TAOK3: variants seen among roughly 807,000 people sequenced by gnomAD.
TAOK3 encodes the protein serine/threonine-protein kinase TAO3.
In TAOK3, 40 loss-of-function variants were observed where a neutral mutation model predicts 120.4. The ratio of observed to expected loss-of-function variants is 0.33; its 90% CI spans 0.26 to 0.43. TAOK3 has a LOEUF of 0.43. TAOK3 is among the 20% of genes least tolerant of loss of function. The pLI, the probability that TAOK3 is intolerant of heterozygous loss-of-function variation, is 1.00. For missense variants in TAOK3, 821 were observed against 1,112.1 expected (o/e 0.74, Z 3.72); for synonymous variants, 355 against 387.5 (o/e 0.92, Z 0.99).
At chr12:118,268,132 T>C (rs559535834) in intron 1 of TAOK3, among the ~76,000 whole-genome samples, 1 of 152,170 alleles carries the variant, frequency 6.6e-6, no homozygotes, top group African/African-American at 2.4e-5. Flanking sequence ...GTCTGTCTTA[T>C]GGAAGAGCTG....
chr12:118,333,198 C>T (rs2044224384), intron 1 of TAOK3, among the ~76,000 whole-genome samples: 1 of 152,134 alleles, frequency 6.6e-6, no homozygotes, highest in Admixed American at 6.6e-5. Context: ...TTCTCAAGTG[C>T]CATGGAATAT....
intron 3 of TAOK3, chr12:118,246,469 C>T: frequency 1.3e-6 from 2 of 1,530,632 alleles, no homozygotes; most frequent in Non-Finnish European, 1.8e-6. Flanking sequence ...GCGTTTGTTG[C>T]TATCGGGGAC....
At chr12:118,196,584 C>T (rs562941830) in intron 13 of TAOK3, among the ~76,000 whole-genome samples, 2 of 151,888 alleles carry the variant, frequency 1.3e-5, no homozygotes, top group African/African-American at 4.8e-5. Flanking sequence ...CAAAAGATTC[C>T]TTCTCCCATA....
intron 1 of TAOK3, among the ~76,000 whole-genome samples, chr12:118,353,018 C>G (rs2045242403): frequency 6.6e-6 from 1 of 152,098 alleles, no homozygotes; most frequent in East Asian, 1.9e-4. Context: ...CCTGAGTTGA[C>G]TTTAGATAAG....
At chr12:118,276,940 G>C (rs1271551276) in intron 1 of TAOK3, among the ~76,000 whole-genome samples, 1 of 152,026 alleles carries the variant, frequency 6.6e-6, no homozygotes, top group African/African-American at 2.4e-5. Context: ...AGGAGACAGA[G>C]GTTGCAGTGA....
chr12:118,230,460 GTTTTTTTTTTTTT>G (rs71069433), intron 9 of TAOK3, among the ~76,000 whole-genome samples: 5 of 49,984 alleles, frequency 1.0e-4, no homozygotes, highest in African/African-American at 2.4e-4. Context: ...CCTGTGAAGT[GTTTTTTTTTTTTT>G]TTTTTTTTTT....
At chr12:118,266,049 A>G (rs772919364) in intron 2 of TAOK3, among the ~76,000 whole-genome samples, 2 of 152,316 alleles carry the variant, frequency 1.3e-5, no homozygotes, top group Non-Finnish European at 1.5e-5. Flanking sequence ...GGCAATATAT[A>G]TATTTCCAGA....
intron 15 of TAOK3, among the ~76,000 whole-genome samples, chr12:118,179,978 G>A (rs2036602660): frequency 8.1e-6 from 1 of 124,118 alleles, no homozygotes; most frequent in African/African-American, 3.1e-5. Context: ...ATGAAGTCTC[G>A]CTCTTGTCAC....
intron 19 of TAOK3, chr12:118,159,925 A>G (rs1299522860): frequency 3.4e-6 from 2 of 582,166 alleles, no homozygotes; most frequent in Admixed American, 6.1e-5. Flanking sequence ...CACAGGTCTG[A>G]TGTGGCATGT....
At chr12:118,154,723 G>A (rs2034683966) in intron 19 of TAOK3, among the ~76,000 whole-genome samples, 1 of 152,114 alleles carries the variant, frequency 6.6e-6, no homozygotes, top group South Asian at 2.1e-4. Flanking sequence ...TTATAGGTGT[G>A]AGCCACCGTG....
intron 1 of TAOK3, among the ~76,000 whole-genome samples, chr12:118,281,679 G>C (rs1021147126): frequency 1.3e-5 from 2 of 151,652 alleles, no homozygotes; most frequent in Non-Finnish European, 2.9e-5. Context: ...AGATACTCAG[G>C]AGGCTGAGGC....
chr12:118,280,065 T>A (rs1445344121), intron 1 of TAOK3, among the ~76,000 whole-genome samples: 2 of 62,762 alleles, frequency 3.2e-5, no homozygotes, highest in African/African-American at 5.6e-5. Flanking sequence ...GCGCCCCACC[T>A]TTTTTTTTTT....
intron 16 of TAOK3, 111 bp from the exon 17 acceptor site, chr12:118,172,771 A>G: frequency 1.0e-6 from 1 of 986,106 alleles, no homozygotes. Flanking sequence ...ATGTAAGCAC[A>G]GAAAAGCTTA....
At chr12:118,182,055 G>A (rs2036762293) in intron 14 of TAOK3, among the ~76,000 whole-genome samples, 1 of 151,874 alleles carries the variant, frequency 6.6e-6, no homozygotes, top group African/African-American at 2.4e-5. Flanking sequence ...CATGGTGGTG[G>A]GCACCTGTAA....
At chr12:118,245,011 T>C in intron 3 of TAOK3, 46 bp from the exon 4 acceptor site, 1 of 1,316,388 alleles carries the variant, frequency 7.6e-7, no homozygotes, top group South Asian at 1.2e-5. Context: ...TAGTGATGTT[T>C]CAGCCAATTT....
At chr12:118,274,558 T>A (rs1030927640) in intron 1 of TAOK3, among the ~76,000 whole-genome samples, 9 of 152,174 alleles carry the variant, frequency 5.9e-5, no homozygotes, top group African/African-American at 2.2e-4. Flanking sequence ...CTTCCTCCCT[T>A]AATAAAAAGA....
At chr12:118,357,482 G>T (rs7296214) in intron 1 of TAOK3, among the ~76,000 whole-genome samples, 24,351 of 152,168 alleles carry the variant, frequency 0.16, 4,243 homozygotes, top group African/African-American at 0.42. Flanking sequence ...CAATAAACTA[G>T]AGAAGGTTAA....
At chr12:118,208,617 G>A (rs999049238) in intron 11 of TAOK3, among the ~76,000 whole-genome samples, 2 of 152,044 alleles carry the variant, frequency 1.3e-5, no homozygotes, top group African/African-American at 2.4e-5. Context: ...ATAAATTGGT[G>A]CAACTGCTTT....
chr12:118,230,142 T>C (rs575089149), intron 9 of TAOK3, among the ~76,000 whole-genome samples: 1 of 152,184 alleles, frequency 6.6e-6, no homozygotes, highest in Non-Finnish European at 1.5e-5. Flanking sequence ...CTAAAATTTA[T>C]TTTTGTGTAT....
Sources: gnomAD v4.1 joint callset for allele counts (sites outside exome capture counted in the v4.1 genomes callset) on GRCh38, gnomAD v4.1.1 for gene constraint, MANE v1.5 for transcripts, NCBI Gene and HGNC (gene_info 2026-07-23, HGNC 2026-07-21) for gene names.